COL4A5: variants seen among roughly 807,000 people sequenced by gnomAD.
The protein encoded by COL4A5 is collagen alpha-5(IV) chain.
Under a neutral mutation model 130.2 loss-of-function variants are expected in COL4A5, and 26 were observed. The observed-to-expected ratio is 0.20, with a 90% CI of 0.15 to 0.28. The LOEUF (loss-of-function observed/expected upper bound fraction) is 0.28. Ranked by LOEUF, COL4A5 falls within the 10% of genes least tolerant of loss-of-function variation. The probability of loss-of-function intolerance (pLI) is 1.00; values close to 1 mark genes in which losing one functional copy is unlikely to be tolerated. For missense variants in COL4A5, 1,131 were observed against 1,344.3 expected (o/e 0.84, Z 2.48); for synonymous variants, 496 against 439.6 (o/e 1.13, Z -1.60).
At chrX:108,643,079 A>G (rs948081857) in intron 36 of COL4A5, among the ~76,000 whole-genome samples, 4 of 111,609 alleles carry the variant, frequency 3.6e-5, no homozygotes, top group African/African-American at 1.3e-4. Context: ...TCAAAACTTC[A>G]GGAAACAATG....
At chrX:108,667,264 C>A in intron 40 of COL4A5, 81 bp downstream of exon 40, 1 of 915,018 alleles carries the variant, frequency 1.1e-6, no homozygotes. Flanking sequence ...CCATCTCCAC[C>A]TTTTACTATC....
rs1465250822 is a variant in COL4A5 at position 108,584,467 on chromosome X, A to G, written c.991-17A>G. ...CATGTGAATTTTACTAACCTATTTT[A>G]CAATTGCATTGAACAGGGCCAAAAA... On this transcript the variant is annotated splice_polypyrimidine_tract_variant and intron_variant, in intron 17 of 52. Coordinates refer to ENST00000328300, the MANE Select transcript of COL4A5 (RefSeq NM_033380.3). 1.7e-6 allele frequency: 2 copies of G among 1,193,214 alleles called. No homozygotes were observed. The highest frequency in any genetic ancestry group is 2.3e-6 in the Non-Finnish European group (2 of 882,096).
chrX:108,454,629 C>T (rs755250990), intron 1 of COL4A5, among the ~76,000 whole-genome samples: 1 of 111,347 alleles, frequency 9.0e-6, no homozygotes, highest in Non-Finnish European at 1.9e-5. Context: ...GGAAATGTCT[C>T]ATTAGTAATA....
In COL4A5 at chrX:108,507,098, C is replaced by T. The variant is rs774373572; in HGVS notation, c.82-32648C>T. ...GCCCAGGACCAGGTGGATTCACAGC[C>T]GAATTCTACCAGATGTACAAAGAAG... On this transcript the variant is annotated intron_variant, in intron 1 of 52. Transcript: ENST00000328300. 2.8e-3 allele frequency among the ~76,000 whole-genome samples: 306 copies of T among 109,298 alleles called. 1 individual carries two copies. The highest frequency in any genetic ancestry group is 9.3e-3 in the Middle Eastern group (2 of 214). 94.9% of individuals were successfully genotyped at this position (109,298 alleles called of 115,157 possible).
At chrX:108,538,561 A>C (rs1378460592) in intron 1 of COL4A5, among the ~76,000 whole-genome samples, 1 of 111,568 alleles carries the variant, frequency 9.0e-6, no homozygotes, top group East Asian at 2.8e-4. Flanking sequence ...AAAAGGGTTG[A>C]GGAGGGTACT....
intron 1 of COL4A5, among the ~76,000 whole-genome samples, chrX:108,456,488 T>C (rs1569472327): frequency 8.9e-6 from 1 of 112,072 alleles, no homozygotes; most frequent in East Asian, 2.8e-4. Context: ...TTTGTATGTA[T>C]ACAATCATAT....
chrX:108,598,711 A>G lies in COL4A5; in HGVS notation c.1789A>G (p.Thr597Ala), dbSNP rs1369135317. 4 of 1,209,594 alleles carry G rather than the reference A, an allele frequency of 3.3e-6. No individual in the cohort carries two copies. The highest frequency in any genetic ancestry group is 4.5e-6 in the Non-Finnish European group (4 of 894,083). ...ACTTTTCCCTTTTTAGGGTGGAATT[A>G]CTTTTAAGGGTGAAAGAGGTCCCCC... is the stretch of plus-strand genomic sequence containing the variant. ...PGPKGEPGGI[T>A]FKGERGPPGN... Residue 597 changes from threonine (T) to alanine (A), a missense_variant, in exon 25 of 53, where the codon ACT becomes GCT. Coordinates refer to ENST00000328300, the MANE Select transcript of COL4A5 (RefSeq NM_033380.3).
chrX:108,688,077 C>A (rs1053659214), intron 49 of COL4A5, among the ~76,000 whole-genome samples: 1 of 111,579 alleles, frequency 9.0e-6, no homozygotes. Flanking sequence ...TGAAACTGGT[C>A]TTCATCAAGT....
chrX:108,647,899 G>A (rs1256047742), intron 36 of COL4A5, among the ~76,000 whole-genome samples: 2 of 111,801 alleles, frequency 1.8e-5, no homozygotes, highest in Non-Finnish European at 3.8e-5. Flanking sequence ...ATTTGCGAAT[G>A]TTGAACCAGC....
chrX:108,677,038 T>C (rs1018912420), intron 43 of COL4A5: 3 of 112,387 alleles, frequency 2.7e-5, no homozygotes, highest in African/African-American at 6.5e-5. Flanking sequence ...TTGAGATAAC[T>C]CACTACCTTC....
At chrX:108,532,385 G>A (rs894476341) in intron 1 of COL4A5, among the ~76,000 whole-genome samples, 1 of 111,169 alleles carries the variant, frequency 9.0e-6, no homozygotes, top group Non-Finnish European at 1.9e-5. Flanking sequence ...ACATCCCTTC[G>A]TGATTGAAAC....
At chrX:108,544,259 T>C (rs2065603734) in intron 2 of COL4A5, among the ~76,000 whole-genome samples, 2 of 112,019 alleles carry the variant, frequency 1.8e-5, no homozygotes, top group Middle Eastern at 4.6e-3. Context: ...CATAGATAGC[T>C]CTTATTATTT....
chrX:108,652,188 A>G (rs1434678571), intron 36 of COL4A5, among the ~76,000 whole-genome samples: 2 of 112,205 alleles, frequency 1.8e-5, no homozygotes, highest in Non-Finnish European at 3.8e-5. Flanking sequence ...GGGTATATGC[A>G]TATATCCAAA....
chrX:108,557,546 T>TCTTTTCAAATGTAAGTA (rs1451111375), intron 2 of COL4A5, among the ~76,000 whole-genome samples: 3 of 111,878 alleles, frequency 2.7e-5, no homozygotes, highest in Admixed American at 1.9e-4. Flanking sequence ...TGACCAGTAG[T>TCTTTTCAAATGTAAGTA]CTTTTCAAAG....
rs766048856 is a variant in COL4A5 at position 108,500,317 on chromosome X, A to G, written c.82-39429A>G. Among the ~76,000 whole-genome samples the G allele has an allele frequency of 9.8e-5, 11 of 111,989 alleles. No homozygotes were observed. The East Asian group carries it at 2.5e-3, about 26-fold the overall frequency. ...TTTCAGGCTCCCATGAGAATTGCCA[A>G]ATGGGGCACTTATGCTTTTTGGGAC... On this transcript the variant is annotated intron_variant, in intron 1 of 52. Transcript: ENST00000328300.
At chrX:108,504,551 AATCCC>A (rs2065107861) in intron 1 of COL4A5, among the ~76,000 whole-genome samples, 1 of 112,106 alleles carries the variant, frequency 8.9e-6, no homozygotes, top group Non-Finnish European at 1.9e-5. Context: ...AAAATCAAAT[AATCCC>A]ATCAAAATGT....
chrX:108,587,194 C>G (rs1237850533), intron 19 of COL4A5, among the ~76,000 whole-genome samples: 1 of 111,076 alleles, frequency 9.0e-6, no homozygotes, highest in Non-Finnish European at 1.9e-5. Flanking sequence ...ATCTACTGTG[C>G]TACCAAACAC....
intron 8 of COL4A5, 139 bp from the exon 9 acceptor site, chrX:108,573,433 CTT>C (rs1306655997): frequency 1.9e-6 from 1 of 530,805 alleles, no homozygotes; most frequent in Non-Finnish European, 3.4e-6. Context: ...AAAAGGTAAA[CTT>C]ATCATTTTTA....
At chrX:108,479,419 C>G (rs1354709840) in intron 1 of COL4A5, among the ~76,000 whole-genome samples, 1 of 112,426 alleles carries the variant, frequency 8.9e-6, no homozygotes, top group African/African-American at 3.2e-5. Context: ...AAGTTCTGCC[C>G]ACTTGGAAGA....
Sources: allele counts gnomAD v4.1 joint callset (sites outside exome capture counted in the v4.1 genomes callset), GRCh38; gene constraint gnomAD v4.1.1; transcripts MANE v1.5; gene names NCBI Gene and HGNC (gene_info 2026-07-23, HGNC 2026-07-21).